The following KIAA1217 variants were observed in gnomAD, a reference collection of about 807,000 sequenced individuals.
KIAA1217 encodes sickle tail protein homolog.
A neutral mutation model predicts 163.9 loss-of-function variants in KIAA1217; 88 were observed. That is an observed-to-expected ratio of 0.54 (90% CI 0.45 to 0.64). The LOEUF (loss-of-function observed/expected upper bound fraction) is 0.64. KIAA1217 is among the 30% of genes least tolerant of loss of function. The probability of loss-of-function intolerance (pLI) is 0.00; values close to 1 mark genes in which losing one functional copy is unlikely to be tolerated. For synonymous variants in KIAA1217, 903 were observed against 923.1 expected (o/e 0.98, Z 0.39); for missense variants, 2,372 against 2,475.0 (o/e 0.96, Z 0.88).
chr10:24,348,677 G>A (rs747843903), intron 2 of KIAA1217, among the ~76,000 whole-genome samples: 58 of 152,182 alleles, frequency 3.8e-4, no homozygotes, highest in South Asian at 4.1e-4. Flanking sequence ...ACCACTGCAT[G>A]TTCCATAGAA....
intron 2 of KIAA1217, among the ~76,000 whole-genome samples, chr10:24,335,376 T>C (rs1403843043): frequency 6.7e-6 from 1 of 148,150 alleles, no homozygotes; most frequent in Non-Finnish European, 1.5e-5. Flanking sequence ...CACTGCAACC[T>C]CCGTCTCCCT....
intron 3 of KIAA1217, among the ~76,000 whole-genome samples, chr10:24,424,689 G>A (rs919355382): frequency 3.9e-5 from 6 of 152,122 alleles, no homozygotes; most frequent in African/African-American, 1.2e-4. Flanking sequence ...CTGCAACTCC[G>A]CCTCCCAGGT....
At chr10:24,491,938 T>G (rs986234630) in intron 6 of KIAA1217, among the ~76,000 whole-genome samples, 2 of 152,160 alleles carry the variant, frequency 1.3e-5, no homozygotes, top group African/African-American at 2.4e-5. Context: ...TACCTTTTTT[T>G]TTTTCTTAAA....
chr10:24,430,995 CA>C (rs1196581871), intron 3 of KIAA1217, among the ~76,000 whole-genome samples: 1 of 152,206 alleles, frequency 6.6e-6, no homozygotes, highest in African/African-American at 2.4e-5. Flanking sequence ...TTTCTACCTT[CA>C]GAAGGGTTGG....
intron 2 of KIAA1217, among the ~76,000 whole-genome samples, chr10:24,140,487 C>G (rs1440730888): frequency 6.6e-6 from 1 of 152,130 alleles, no homozygotes; most frequent in Non-Finnish European, 1.5e-5. Flanking sequence ...ACTATGGTAC[C>G]TATACATGAC....
chr10:23,942,408 T>C (rs1843816102), intron 1 of KIAA1217, among the ~76,000 whole-genome samples: 2 of 152,144 alleles, frequency 1.3e-5, no homozygotes, highest in African/African-American at 4.8e-5. Flanking sequence ...ACAACAGAAA[T>C]TGTAAAATCC....
intron 1 of KIAA1217, among the ~76,000 whole-genome samples, chr10:23,843,953 A>G (rs746150725): frequency 1.3e-5 from 2 of 152,154 alleles, no homozygotes; most frequent in Non-Finnish European, 2.9e-5. Flanking sequence ...TTAGTGGTGT[A>G]TGGAGTCCAC....
At chr10:23,920,653 C>T (rs1364983203) in intron 1 of KIAA1217, among the ~76,000 whole-genome samples, 1 of 152,186 alleles carries the variant, frequency 6.6e-6, no homozygotes, top group Non-Finnish European at 1.5e-5. Flanking sequence ...AGTTGTCTGA[C>T]CTCCTTTTGA....
intron 1 of KIAA1217, among the ~76,000 whole-genome samples, chr10:23,723,979 A>G (rs1838001471): frequency 6.6e-6 from 1 of 152,196 alleles, no homozygotes; most frequent in Non-Finnish European, 1.5e-5. Flanking sequence ...GCGGAAGATA[A>G]AAGGGGAGCA....
intron 2 of KIAA1217, among the ~76,000 whole-genome samples, chr10:24,334,476 G>A (rs67754708): frequency 1.6e-4 from 18 of 114,350 alleles, no homozygotes; most frequent in Admixed American, 1.1e-3. Flanking sequence ...AGGAAGGAAG[G>A]AAGGAAGGAA....
At chr10:23,993,949 G>A (rs369060045) in intron 1 of KIAA1217, among the ~76,000 whole-genome samples, 2 of 152,022 alleles carry the variant, frequency 1.3e-5, no homozygotes, top group African/African-American at 4.8e-5. Flanking sequence ...CTCAGCTCAG[G>A]CTCCTAAACA....
At chr10:23,900,471 T>C (rs1047287847) in intron 1 of KIAA1217, among the ~76,000 whole-genome samples, 7 of 152,230 alleles carry the variant, frequency 4.6e-5, no homozygotes, top group Admixed American at 1.3e-4. Context: ...TGAGACAGTC[T>C]CAAACAATAA....
intron 2 of KIAA1217, among the ~76,000 whole-genome samples, chr10:24,145,842 A>G (rs1320537152): frequency 6.6e-6 from 1 of 152,254 alleles, no homozygotes; most frequent in Non-Finnish European, 1.5e-5. Context: ...AGAAGACTCA[A>G]CAATCAAGTC....
At chr10:23,796,295 G>T (rs1564428967) in intron 1 of KIAA1217, among the ~76,000 whole-genome samples, 1 of 152,184 alleles carries the variant, frequency 6.6e-6, no homozygotes, top group African/African-American at 2.4e-5. Flanking sequence ...TTCCCCATTT[G>T]TAAAGTGGAG....
intron 1 of KIAA1217, among the ~76,000 whole-genome samples, chr10:23,900,198 G>A (rs890948352): frequency 9.9e-5 from 15 of 151,862 alleles, no homozygotes; most frequent in African/African-American, 3.6e-4. Context: ...TAGAGATGAG[G>A]TTTTGCAATG....
At chr10:23,920,777 C>T (rs1024433369) in intron 1 of KIAA1217, among the ~76,000 whole-genome samples, 5 of 152,148 alleles carry the variant, frequency 3.3e-5, no homozygotes, top group Non-Finnish European at 4.4e-5. Flanking sequence ...TATGGCCTGG[C>T]TGTGTCCCCA....
At position 24,260,959 on chromosome 10, in the gene KIAA1217, T is replaced by C. The variant is rs909165299; in HGVS notation, c.354+41050T>C. Among the ~76,000 whole-genome samples the C allele has an allele frequency of 2.6e-5, 4 of 152,254 alleles. No homozygotes were observed. In the South Asian group the frequency reaches 8.3e-4, roughly 32 times the overall value. On this transcript the variant is annotated intron_variant, in intron 2 of 20. Transcript: ENST00000376454. ...TGAGGAAAGGTGACATAATAATGGGTTCACAGTATTGGAAGGGGGAGGACA... is the reference window on the plus strand; with the variant it reads ...TGAGGAAAGGTGACATAATAATGGGCTCACAGTATTGGAAGGGGGAGGACA...
intron 1 of KIAA1217, among the ~76,000 whole-genome samples, chr10:23,808,572 A>C (rs1836847722): frequency 6.6e-6 from 1 of 152,138 alleles, no homozygotes; most frequent in South Asian, 2.1e-4. Context: ...TGGGTTGAGC[A>C]ATAGATCAAA....
intron 2 of KIAA1217, among the ~76,000 whole-genome samples, chr10:24,242,268 C>A (rs2073200742): frequency 6.6e-6 from 1 of 152,122 alleles, no homozygotes; most frequent in Non-Finnish European, 1.5e-5. Context: ...CTCTAGTAGT[C>A]CCCAGTGTAT....
Sources: gnomAD v4.1 joint callset for allele counts (sites outside exome capture counted in the v4.1 genomes callset) on GRCh38, gnomAD v4.1.1 for gene constraint, MANE v1.5 for transcripts, NCBI Gene and HGNC (gene_info 2026-07-23, HGNC 2026-07-21) for gene names.